Variants in VPS13B observed in about 807,000 individuals in gnomAD.
VPS13B encodes the protein vacuolar protein sorting 13 homolog B.
Under a neutral mutation model 426.4 loss-of-function variants are expected in VPS13B, and 285 were observed. That is an observed-to-expected ratio of 0.67 (90% CI 0.61 to 0.74). VPS13B has a LOEUF of 0.74. Ranked by LOEUF, VPS13B falls within the 30% of genes least tolerant of loss-of-function variation. VPS13B has a pLI of 0.00. For synonymous variants in VPS13B, 1,676 were observed against 1,676.4 expected (o/e 1.00, Z 0.01); for missense variants, 4,537 against 4,782.6 (o/e 0.95, Z 1.51).
chr8:99,588,152 G>C (rs769967026), intron 33 of VPS13B, among the ~76,000 whole-genome samples: 5 of 151,702 alleles, frequency 3.3e-5, no homozygotes, highest in Non-Finnish European at 7.3e-5. Context: ...TGTTATTTCT[G>C]AGGGCTCTTT....
intron 30 of VPS13B, among the ~76,000 whole-genome samples, chr8:99,549,220 T>C (rs1239257801): frequency 1.3e-5 from 2 of 152,170 alleles, no homozygotes; most frequent in African/African-American, 4.8e-5. Context: ...GTTAAAACAC[T>C]GTTAAGTTGA....
chr8:99,135,381 T>C (rs527370945), intron 10 of VPS13B, among the ~76,000 whole-genome samples: 28 of 152,214 alleles, frequency 1.8e-4, no homozygotes, highest in African/African-American at 6.0e-4. Flanking sequence ...ATCTTTCTTC[T>C]TTTTTGTTCA....
At chr8:99,017,938 G>C (rs987485346) in intron 2 of VPS13B, among the ~76,000 whole-genome samples, 2 of 152,152 alleles carry the variant, frequency 1.3e-5, no homozygotes, top group Non-Finnish European at 2.9e-5. Flanking sequence ...ACATAGTTTT[G>C]AGTTTTTCAA....
intron 33 of VPS13B, among the ~76,000 whole-genome samples, chr8:99,620,911 G>A (rs2133892022): frequency 6.6e-6 from 1 of 150,732 alleles, no homozygotes; most frequent in East Asian, 2.0e-4. Context: ...GCTTGAACCT[G>A]GGAGGCGGAG....
chr8:99,716,916 A>G (rs1341150964), intron 36 of VPS13B, among the ~76,000 whole-genome samples: 1 of 152,214 alleles, frequency 6.6e-6, no homozygotes, highest in Non-Finnish European at 1.5e-5. Flanking sequence ...CTCTACTCAT[A>G]AAACTTAAAA....
intron 16 of VPS13B, among the ~76,000 whole-genome samples, chr8:99,173,212 T>G (rs1812452195): frequency 6.6e-6 from 1 of 152,150 alleles, no homozygotes; most frequent in Non-Finnish European, 1.5e-5. Context: ...AGTTCAGTGT[T>G]AATTAGAAGT....
At chr8:99,820,477 G>C (rs979484428) in intron 49 of VPS13B, among the ~76,000 whole-genome samples, 3 of 152,086 alleles carry the variant, frequency 2.0e-5, no homozygotes, top group Non-Finnish European at 4.4e-5. Flanking sequence ...ACTCTTTGCT[G>C]TTCTTCTGGA....
intron 17 of VPS13B, among the ~76,000 whole-genome samples, chr8:99,199,189 T>C (rs1814139034): frequency 6.6e-6 from 1 of 152,146 alleles, no homozygotes; most frequent in African/African-American, 2.4e-5. Context: ...TATCATTATA[T>C]ATATTTTTTT....
intron 2 of VPS13B, among the ~76,000 whole-genome samples, chr8:99,025,365 G>C (rs559212205): frequency 6.6e-6 from 1 of 152,194 alleles, no homozygotes; most frequent in African/African-American, 2.4e-5. Flanking sequence ...TCTTTTTCCA[G>C]TTCTTAGAGG....
intron 39 of VPS13B, among the ~76,000 whole-genome samples, chr8:99,745,954 G>A (rs1429443283): frequency 6.6e-6 from 1 of 151,886 alleles, no homozygotes; most frequent in Non-Finnish European, 1.5e-5. Flanking sequence ...TTTAGATTTG[G>A]TTTGTTTGAA....
intron 13 of VPS13B, among the ~76,000 whole-genome samples, chr8:99,145,639 A>G (rs1229001722): frequency 9.4e-6 from 1 of 106,624 alleles, no homozygotes; most frequent in East Asian, 4.6e-4. Context: ...AAGTTGTTGC[A>G]TGTATCAGTA....
At chr8:99,171,742 A>C (rs1243822906) in intron 16 of VPS13B, among the ~76,000 whole-genome samples, 2 of 152,086 alleles carry the variant, frequency 1.3e-5, no homozygotes, top group Non-Finnish European at 2.9e-5. Context: ...TATGCTTTAT[A>C]GAAGTATATT....
At chr8:99,033,755 G>A (rs1444943169) in intron 2 of VPS13B, among the ~76,000 whole-genome samples, 1 of 151,962 alleles carries the variant, frequency 6.6e-6, no homozygotes, top group African/African-American at 2.4e-5. Flanking sequence ...AATTAGCTGG[G>A]TGTGGTGGTG....
chr8:99,290,124 T>C (rs1042769223), intron 19 of VPS13B, among the ~76,000 whole-genome samples: 6 of 152,056 alleles, frequency 3.9e-5, no homozygotes, highest in African/African-American at 1.4e-4. Context: ...GATATAAAGA[T>C]GAACGAGACC....
At chr8:99,066,202 T>G (rs2132316398) in intron 3 of VPS13B, among the ~76,000 whole-genome samples, 1 of 152,358 alleles carries the variant, frequency 6.6e-6, no homozygotes, top group African/African-American at 2.4e-5. Flanking sequence ...AATACAATCC[T>G]AAGCCAAAAG....
At chr8:99,487,118 A>C (rs1297585192) in intron 25 of VPS13B, among the ~76,000 whole-genome samples, 4 of 151,988 alleles carry the variant, frequency 2.6e-5, no homozygotes, top group East Asian at 3.9e-4. Flanking sequence ...GAAAAAAAAA[A>C]AAAAAACAGA....
At chr8:99,214,988 A>G (rs898112661) in intron 17 of VPS13B, among the ~76,000 whole-genome samples, 1 of 152,160 alleles carries the variant, frequency 6.6e-6, no homozygotes, top group African/African-American at 2.4e-5. Flanking sequence ...ATCTATTTAT[A>G]TCAACTTATC....
chr8:99,238,495 A>G (rs1048737072), intron 17 of VPS13B, among the ~76,000 whole-genome samples: 1 of 152,196 alleles, frequency 6.6e-6, no homozygotes, highest in Non-Finnish European at 1.5e-5. Context: ...ATCTGGAGCG[A>G]GTTGCTGATA....
rs770587463 is a variant in VPS13B, at chr8:99,875,523, A to C, written c.11851A>C (p.Ile3951Leu). 1 of 1,614,068 alleles carries C rather than the reference A, an allele frequency of 6.2e-7. No individual in the cohort carries two copies. The highest frequency in any genetic ancestry group is 1.1e-5 in the South Asian group (1 of 91,080). ...GGCCCCCAGCTGTTCTTCCATGCAA[A>C]TACCATGCCCTGTGGTGGCTGCAGA... ...HLAPSCSSMQ[I>L]PCPVVAAEPP... is the part of the protein sequence containing the mutation. The change falls in exon 62 of 62, where the codon ATA becomes CTA. Residue 3951 changes from isoleucine to leucine, a missense_variant. Physicochemically the swap from Ile to Leu is conservative, Grantham distance 5. Transcript: ENST00000357162.
Sources: gnomAD v4.1 joint callset for allele counts (sites outside exome capture counted in the v4.1 genomes callset) on GRCh38, gnomAD v4.1.1 for gene constraint, MANE v1.5 for transcripts, NCBI Gene and HGNC (gene_info 2026-07-23, HGNC 2026-07-21) for gene names.